CNTN3: variants seen among roughly 807,000 people sequenced by gnomAD.
CNTN3 encodes the protein contactin 3.
A neutral mutation model predicts 119.1 loss-of-function variants in CNTN3; 60 were observed. The observed-to-expected ratio is 0.50, with a 90% CI of 0.41 to 0.62. CNTN3 has a LOEUF of 0.62. Ranked by LOEUF, CNTN3 falls within the 20% of genes least tolerant of loss-of-function variation. The pLI is 0.00. For synonymous variants in CNTN3, 450 were observed against 438.7 expected (o/e 1.03, Z -0.32); for missense variants, 1,101 against 1,242.4 (o/e 0.89, Z 1.71).
chr3:74,302,878 C>A, intron 13 of CNTN3, 71 bp from the exon 14 acceptor site: 2 of 923,862 alleles, frequency 2.2e-6, no homozygotes, highest in South Asian at 1.6e-5. Context: ...AAGTCTATGG[C>A]CAAAAACAAC....
chr3:74,507,297 A>G (rs1703279352), intron 2 of CNTN3, among the ~76,000 whole-genome samples: 1 of 152,038 alleles, frequency 6.6e-6, no homozygotes, highest in South Asian at 2.1e-4. Flanking sequence ...GCATGCCTAT[A>G]GTCCCAGTTA....
intron 22 of CNTN3, among the ~76,000 whole-genome samples, chr3:74,264,803 T>C (rs1701636844): frequency 2.6e-5 from 4 of 152,122 alleles, no homozygotes; most frequent in Admixed American, 6.6e-5. Context: ...GCAAAGGCAA[T>C]ACCTCTCCTA....
At chr3:74,519,138 G>A (rs1282240017) in intron 2 of CNTN3, among the ~76,000 whole-genome samples, 1 of 151,406 alleles carries the variant, frequency 6.6e-6, no homozygotes, top group Non-Finnish European at 1.5e-5. Flanking sequence ...AAAGTTCAGG[G>A]GTCCATACAT....
intron 2 of CNTN3, among the ~76,000 whole-genome samples, chr3:74,508,018 G>A (rs6549614): frequency 0.72 from 109,817 of 151,972 alleles, 40,507 homozygotes; most frequent in Non-Finnish European, 0.79. Context: ...GGTAAGATAT[G>A]AAGGTCTAAG....
chr3:74,265,582 G>C (rs1222179674), intron 22 of CNTN3, among the ~76,000 whole-genome samples: 1 of 152,090 alleles, frequency 6.6e-6, no homozygotes, highest in Non-Finnish European at 1.5e-5. Context: ...TGTTTTCTTA[G>C]TGTAGCTTTG....
At chr3:74,434,421 T>C (rs2106915613) in intron 4 of CNTN3, among the ~76,000 whole-genome samples, 1 of 152,292 alleles carries the variant, frequency 6.6e-6, no homozygotes, top group Non-Finnish European at 1.5e-5. Flanking sequence ...ACATGCACAG[T>C]TCACCCCATC....
intron 8 of CNTN3, among the ~76,000 whole-genome samples, chr3:74,366,809 A>ATATATATAT (rs1704206489): frequency 7.9e-5 from 2 of 25,460 alleles, no homozygotes; most frequent in African/African-American, 5.6e-4. Flanking sequence ...TATATATATA[A>ATATATATAT]CTTGCTCAGT....
intron 1 of CNTN3, among the ~76,000 whole-genome samples, chr3:74,548,935 CTCTT>C (rs1477537510): frequency 6.6e-6 from 1 of 152,158 alleles, no homozygotes; most frequent in East Asian, 1.9e-4. Context: ...GATATGGTAA[CTCTT>C]TCACCCATTG....
intron 1 of CNTN3, among the ~76,000 whole-genome samples, chr3:74,568,181 C>T (rs80230196): frequency 1.8e-5 from 2 of 112,470 alleles, no homozygotes; most frequent in African/African-American, 3.0e-5. Context: ...ATAGGAATTA[C>T]TTAATGATTT....
intron 13 of CNTN3, among the ~76,000 whole-genome samples, chr3:74,317,562 G>A (rs1316473124): frequency 2.6e-5 from 4 of 152,028 alleles, no homozygotes; most frequent in African/African-American, 9.7e-5. Context: ...GCATTTGCTT[G>A]TCTGTAAAGG....
At chr3:74,514,325 A>T (rs955886949) in intron 2 of CNTN3, among the ~76,000 whole-genome samples, 3 of 152,142 alleles carry the variant, frequency 2.0e-5, no homozygotes, top group Non-Finnish European at 2.9e-5. Flanking sequence ...TAGAGAAATA[A>T]ATTCTAACAA....
chr3:74,432,323 T>C (rs934576616), intron 4 of CNTN3, among the ~76,000 whole-genome samples: 2 of 151,740 alleles, frequency 1.3e-5, no homozygotes, highest in South Asian at 2.1e-4. Context: ...CTAGGCCACA[T>C]TGGAAGAAGA....
intron 22 of CNTN3, among the ~76,000 whole-genome samples, chr3:74,265,763 A>C (rs976447579): frequency 2.8e-4 from 42 of 152,158 alleles, no homozygotes; most frequent in African/African-American, 1.0e-3. Flanking sequence ...GGAAACAGGG[A>C]ACAAAGTCAT....
intron 13 of CNTN3, among the ~76,000 whole-genome samples, chr3:74,319,298 C>G (rs934721457): frequency 8.5e-5 from 13 of 152,088 alleles, no homozygotes; most frequent in Non-Finnish European, 1.3e-4. Flanking sequence ...AAACAGCATG[C>G]TACTGGTACC....
At chr3:74,316,981 G>C (rs1163636688) in intron 13 of CNTN3, among the ~76,000 whole-genome samples, 1 of 150,750 alleles carries the variant, frequency 6.6e-6, no homozygotes, top group Admixed American at 6.6e-5. Context: ...AAGTCTCTTT[G>C]TAGGTCACTC....
At chr3:74,509,318 T>C (rs1457583700) in intron 2 of CNTN3, among the ~76,000 whole-genome samples, 75 of 149,892 alleles carry the variant, frequency 5.0e-4, no homozygotes, top group African/African-American at 1.8e-3. Context: ...CCTTTCTTTT[T>C]TTTTTTTTTT....
chr3:74,401,659 C>A (rs1002903210), intron 5 of CNTN3, among the ~76,000 whole-genome samples: 11 of 152,236 alleles, frequency 7.2e-5, no homozygotes, highest in African/African-American at 2.6e-4. Context: ...AACATAACTA[C>A]CTTTTAGAGC....
In CNTN3 at chr3:74,550,438, CA is replaced by C. The variant is rs578036353; in HGVS notation, c.-80-29247del. On this transcript the variant is annotated intron_variant, in intron 1 of 22. Transcript: ENST00000263665. Reference sequence around the variant, plus strand: ...TCAAAACTTAAGGAACACCAGAAAGCATCTGCAATTGCATTGGAAGAGGCAC... The same window carrying C: ...TCAAAACTTAAGGAACACCAGAAAGCTCTGCAATTGCATTGGAAGAGGCAC... Among the ~76,000 whole-genome samples the C allele has an allele frequency of 6.4e-3, 967 of 152,278 alleles. 11 individuals carry two copies. Among genetic ancestry groups the C allele is most frequent in the African/African-American group, 0.021 (873 of 41,548 alleles).
At chr3:74,513,376 C>T (rs9826767) in intron 2 of CNTN3, among the ~76,000 whole-genome samples, 140,285 of 152,066 alleles carry the variant, frequency 0.92, 64,884 homozygotes, top group East Asian at 0.98. Flanking sequence ...AACCTCCCTG[C>T]TTATAAGATT....
Sources: gnomAD v4.1 joint callset for allele counts (sites outside exome capture counted in the v4.1 genomes callset) on GRCh38, gnomAD v4.1.1 for gene constraint, MANE v1.5 for transcripts, NCBI Gene and HGNC (gene_info 2026-07-23, HGNC 2026-07-21) for gene names.